The following NRXN1 variants were observed in gnomAD, a reference collection of about 807,000 sequenced individuals.
The protein encoded by NRXN1 is neurexin-1.
Under a neutral mutation model 150.9 loss-of-function variants are expected in NRXN1, and 39 were observed. The ratio of observed to expected loss-of-function variants is 0.26; its 90% CI spans 0.20 to 0.34. NRXN1 has a LOEUF of 0.34. NRXN1 is among the 10% of genes least tolerant of loss of function. The pLI is 1.00. For synonymous variants in NRXN1, 924 were observed against 757.0 expected (o/e 1.22, Z -3.62); for missense variants, 1,815 against 1,949.9 (o/e 0.93, Z 1.30).
At chr2:50,013,233 G>A (rs986609415) in intron 21 of NRXN1, among the ~76,000 whole-genome samples, 2 of 146,402 alleles carry the variant, frequency 1.4e-5, no homozygotes, top group Non-Finnish European at 3.0e-5. Context: ...CTACAAAGGG[G>A]TTTTCGTTTT....
intron 5 of NRXN1, among the ~76,000 whole-genome samples, chr2:50,728,021 G>C (rs1198072772): frequency 6.6e-6 from 1 of 152,120 alleles, no homozygotes; most frequent in East Asian, 1.9e-4. Flanking sequence ...TATGGAAACA[G>C]AATCTGTATC....
chr2:50,747,780 C>T (rs1012635918), intron 5 of NRXN1, among the ~76,000 whole-genome samples: 11 of 152,082 alleles, frequency 7.2e-5, no homozygotes, highest in South Asian at 2.1e-4. Context: ...CATATTACTT[C>T]GTTTCTTCTA....
chr2:50,593,219 C>A (rs910746231), intron 8 of NRXN1, among the ~76,000 whole-genome samples: 1 of 152,084 alleles, frequency 6.6e-6, no homozygotes, highest in African/African-American at 2.4e-5. Flanking sequence ...ATAAGGTTAC[C>A]CAATCTTATG....
At chr2:50,907,265 T>A (rs1473129701) in intron 5 of NRXN1, among the ~76,000 whole-genome samples, 1 of 152,012 alleles carries the variant, frequency 6.6e-6, no homozygotes, top group East Asian at 1.9e-4. Context: ...TACTCTTTTG[T>A]CCAATCACAT....
rs112451997 is a variant in NRXN1, at chr2:50,709,195, C to T, written c.833-85580G>A. Among the ~76,000 whole-genome samples the T allele has an allele frequency of 1.6e-3, 249 of 152,152 alleles. 2 individuals carry two copies. Among genetic ancestry groups the T allele is most frequent in the African/African-American group, 5.7e-3 (237 of 41,524 alleles). On this transcript the variant is annotated intron_variant, in intron 5 of 22. Coordinates refer to ENST00000401669, the MANE Select transcript of NRXN1 (RefSeq NM_001330078.2). ...ATGAGCTTGGTATTGGTGGATGGCACGTGATATTTGCACACATTTATTCAA... is the reference window on the plus strand; with the variant it reads ...ATGAGCTTGGTATTGGTGGATGGCATGTGATATTTGCACACATTTATTCAA...
At chr2:50,204,310 A>G (rs2062404211) in intron 18 of NRXN1, among the ~76,000 whole-genome samples, 1 of 151,502 alleles carries the variant, frequency 6.6e-6, no homozygotes, top group African/African-American at 2.4e-5. Flanking sequence ...ACAAAAAATA[A>G]AGTTATTTGA....
chr2:50,459,467 T>C (rs142948916), intron 17 of NRXN1, among the ~76,000 whole-genome samples: 8 of 152,214 alleles, frequency 5.3e-5, no homozygotes, highest in South Asian at 2.1e-4. Context: ...CTCTTCCCAC[T>C]CCACCCTCAA....
At chr2:50,117,599 A>G (rs571141300) in intron 18 of NRXN1, among the ~76,000 whole-genome samples, 2 of 152,298 alleles carry the variant, frequency 1.3e-5, no homozygotes, top group African/African-American at 4.8e-5. Flanking sequence ...GTATTAAATG[A>G]ATACACCTTC....
chr2:50,173,080 C>G (rs575472357), intron 18 of NRXN1, among the ~76,000 whole-genome samples: 6 of 152,278 alleles, frequency 3.9e-5, no homozygotes, highest in Admixed American at 2.6e-4. Flanking sequence ...CAATCATTTC[C>G]TTGTCACTAG....
chr2:50,231,439 A>G (rs1196639348), intron 18 of NRXN1, among the ~76,000 whole-genome samples: 1 of 152,074 alleles, frequency 6.6e-6, no homozygotes, highest in East Asian at 1.9e-4. Context: ...AATATTTACT[A>G]TAAATACACT....
rs777054372 is a variant in NRXN1, at chr2:50,346,867, C to A, written c.3365-109897G>T. On this transcript the variant is annotated intron_variant, in intron 17 of 22. Transcript: ENST00000401669. The surrounding 1 kb of genome is among the most constrained non-coding windows in gnomAD (Gnocchi z 5.0). ...TATCCAAAGCAGGGCCAGGCGCCCC[C>A]CTGCGCCGCCGCCGCCGCCGCCGCC... The A allele has an allele frequency of 2.9e-5, 41 of 1,391,486 alleles. No individual in the cohort carries two copies. Among genetic ancestry groups the A allele is most frequent in the Non-Finnish European group, 3.6e-5 (39 of 1,073,212 alleles). 86.2% of individuals were successfully genotyped at this position (1,391,486 alleles called of 1,614,324 possible). A position where few individuals can be genotyped will look rare whatever the true frequency, so the allele number is the denominator to read the frequency against.
intron 5 of NRXN1, among the ~76,000 whole-genome samples, chr2:50,892,634 C>T (rs1681246320): frequency 6.6e-6 from 1 of 152,056 alleles, no homozygotes; most frequent in Non-Finnish European, 1.5e-5. Context: ...ATTCTTAAAC[C>T]ATTGATAAAA....
intron 21 of NRXN1, among the ~76,000 whole-genome samples, chr2:49,990,862 A>G (rs1681816734): frequency 6.6e-6 from 1 of 152,148 alleles, no homozygotes; most frequent in African/African-American, 2.4e-5. Flanking sequence ...ATTAATCTCC[A>G]GTTGGGGTTT....
chr2:50,791,377 C>CTAG (rs1016010230), intron 5 of NRXN1, among the ~76,000 whole-genome samples: 2 of 150,168 alleles, frequency 1.3e-5, no homozygotes, highest in Admixed American at 1.3e-4. Flanking sequence ...CTTCTCCATA[C>CTAG]AGGAGATATG....
chr2:50,730,110 G>A (rs1394727562), intron 5 of NRXN1, among the ~76,000 whole-genome samples: 3 of 152,106 alleles, frequency 2.0e-5, no homozygotes, highest in South Asian at 2.1e-4. Flanking sequence ...AGTATCTAAA[G>A]GATGACATTG....
In NRXN1 at chr2:50,696,725, T is replaced by C. The variant is rs138204799; in HGVS notation, c.833-73110A>G. Among the ~76,000 whole-genome samples the C allele has an allele frequency of 1.6e-3, 247 of 152,292 alleles. 2 individuals are homozygous for C. Among genetic ancestry groups the C allele is most frequent in the African/African-American group, 5.4e-3 (226 of 41,562 alleles). ...AGGATCAGTGAGGCTCTCTTAAGAA[T>C]ACCTGAATTTTCACAGAGATAAACA... is the stretch of plus-strand genomic sequence containing the variant. On this transcript the variant is annotated intron_variant, in intron 5 of 22. Coordinates refer to ENST00000401669, the MANE Select transcript of NRXN1 (RefSeq NM_001330078.2).
chr2:50,448,076 C>G (rs1051701928), intron 17 of NRXN1, among the ~76,000 whole-genome samples: 1 of 151,976 alleles, frequency 6.6e-6, no homozygotes, highest in Admixed American at 6.6e-5. Context: ...AGACCTTTCT[C>G]TACTCCGTGC....
chr2:50,142,120 G>C (rs112772505), intron 18 of NRXN1, among the ~76,000 whole-genome samples: 1,670 of 152,050 alleles, frequency 0.011, 36 homozygotes, highest in African/African-American at 0.038. Flanking sequence ...ATACTCTTGG[G>C]TCATAAAAAA....
At chr2:49,942,966 A>G (rs1271561939) in intron 22 of NRXN1, among the ~76,000 whole-genome samples, 1 of 152,182 alleles carries the variant, frequency 6.6e-6, no homozygotes, top group African/African-American at 2.4e-5. Context: ...AACCAAAACA[A>G]AACTAATGGA....
Sources: gnomAD v4.1 joint callset for allele counts (sites outside exome capture counted in the v4.1 genomes callset) on GRCh38, gnomAD v4.1.1 for gene constraint, Gnocchi (gnomAD v3.1) non-coding constraint, MANE v1.5 for transcripts, NCBI Gene and HGNC (gene_info 2026-07-23, HGNC 2026-07-21) for gene names.